The following DDX60L variants were observed in gnomAD, a reference collection of about 807,000 sequenced individuals.
The protein encoded by DDX60L is DExD/H-box 60 like.
Under a neutral mutation model 211.6 loss-of-function variants are expected in DDX60L, and 191 were observed. The observed-to-expected ratio is 0.90, with a 90% CI of 0.80 to 1.02. The LOEUF (loss-of-function observed/expected upper bound fraction) is 1.02. Among genes scored for constraint, DDX60L ranks in the 50% least tolerant of loss-of-function variants. The pLI is 0.00. For synonymous variants in DDX60L, 706 were observed against 694.1 expected, an observed-to-expected ratio of 1.02 and a Z score of -0.27; for missense variants, 2,007 against 1,984.1, an observed-to-expected ratio of 1.01 and a Z score of -0.22.
At chr4:168,428,323 T>G (rs1380484827) in intron 13 of DDX60L, among the ~76,000 whole-genome samples, 4 of 152,138 alleles carry the variant, frequency 2.6e-5, no homozygotes, top group East Asian at 3.9e-4. Context: ...AAACCTACAG[T>G]GTAATCAGTG....
chr4:168,419,481 G>A, intron 18 of DDX60L, 84 bp from the exon 19 acceptor site: 1 of 924,458 alleles, frequency 1.1e-6, no homozygotes. Context: ...TAGAAAATAT[G>A]CTGCTGCTGA....
At chr4:168,442,363 A>T (rs2150002803) in intron 9 of DDX60L, among the ~76,000 whole-genome samples, 1 of 152,082 alleles carries the variant, frequency 6.6e-6, no homozygotes, top group South Asian at 2.1e-4. Flanking sequence ...ACGCCCACGG[A>T]GTCTCGCTGA....
rs1194801532 is a variant in DDX60L, at chr4:168,357,309, C to A, written c.*838G>T. On this transcript the variant is annotated 3_prime_UTR_variant, in exon 38 of 38. Coordinates refer to ENST00000682922, the MANE Select transcript of DDX60L (RefSeq NM_001012967.3). ...AACAGGAAAGTGGTTTATAACTACT[C>A]CAAGTGACTGTTTTAGTCAATTCAG... 6.6e-6 allele frequency: 1 copy of A among 152,192 alleles called. No homozygotes were observed. Among genetic ancestry groups the A allele is most frequent in the African/African-American group, 2.4e-5 (1 of 41,440 alleles). 9.4% of individuals were successfully genotyped at this position (152,192 alleles called of 1,614,324 possible).
intron 10 of DDX60L, among the ~76,000 whole-genome samples, chr4:168,440,129 G>A (rs1413387926): frequency 6.6e-6 from 1 of 152,194 alleles, no homozygotes; most frequent in African/African-American, 2.4e-5. Flanking sequence ...GGAGGCCCAG[G>A]TGGAAGGTTT....
chr4:168,430,045 A>G (rs1463123994), intron 13 of DDX60L, among the ~76,000 whole-genome samples: 4 of 152,122 alleles, frequency 2.6e-5, no homozygotes, highest in South Asian at 4.1e-4. Flanking sequence ...TAAAAATACC[A>G]AGAATTAGCC....
rs1423399208 is a variant in DDX60L, at chr4:168,404,131, T to A, written c.3214-25A>T. The A allele has an allele frequency of 1.6e-4, 162 of 1,034,158 alleles. 1 individual carries two copies. Among genetic ancestry groups the A allele is most frequent in the Middle Eastern group, 2.6e-4 (1 of 3,846 alleles). 64.1% of individuals were successfully genotyped at this position (1,034,158 alleles called of 1,614,324 possible). On this transcript the variant is annotated intron_variant, in intron 24 of 37. Transcript: ENST00000682922. ...CCTACAACAGTAAGTAAAAATTATTTAAAAAAAAAAAAAGAATTTGTGGAA... is the reference window on the plus strand; with the variant it reads ...CCTACAACAGTAAGTAAAAATTATTAAAAAAAAAAAAAAGAATTTGTGGAA...
At chr4:168,372,243 A>G (rs1741158153) in intron 35 of DDX60L, among the ~76,000 whole-genome samples, 1 of 152,102 alleles carries the variant, frequency 6.6e-6, no homozygotes, top group Non-Finnish European at 1.5e-5. Flanking sequence ...TGGGCTCCAG[A>G]GAGAAGAAAA....
chr4:168,404,130 T>TA (rs1308252190), intron 24 of DDX60L, 24 bp from the exon 25 acceptor site: 31 of 1,247,796 alleles, frequency 2.5e-5, no homozygotes, highest in Middle Eastern at 2.1e-4. Context: ...TAAAAATTAT[T>TA]TAAAAAAAAA....
At chr4:168,379,590 C>A (rs1485776976) in intron 31 of DDX60L, 86 bp from the exon 32 acceptor site, 10 of 1,187,664 alleles carry the variant, frequency 8.4e-6, no homozygotes, top group Non-Finnish European at 1.2e-5. Flanking sequence ...ACAAATATTA[C>A]CTGACTTCAT....
intron 4 of DDX60L, chr4:168,468,915 C>T (rs1336128158): frequency 3.3e-5 from 5 of 152,130 alleles, no homozygotes; most frequent in Non-Finnish European, 5.9e-5. Context: ...AAAAGATGTG[C>T]AACGCCTCCA....
intron 8 of DDX60L, 52 bp downstream of exon 8, chr4:168,453,072 T>C (rs1031370458): frequency 2.6e-5 from 40 of 1,511,320 alleles, no homozygotes; most frequent in Non-Finnish European, 3.6e-5. Context: ...TTAAAGGTGA[T>C]CATGGTTTTC....
chr4:168,401,142 T>A (rs1416785520), intron 25 of DDX60L, among the ~76,000 whole-genome samples, 164 bp from the exon 26 acceptor site: 2 of 152,190 alleles, frequency 1.3e-5, no homozygotes, highest in Non-Finnish European at 2.9e-5. Context: ...CGATGGGAAG[T>A]AGGGGTTCAA....
intron 1 of DDX60L, among the ~76,000 whole-genome samples, chr4:168,473,699 G>A (rs1049177865): frequency 6.6e-6 from 1 of 152,184 alleles, no homozygotes; most frequent in Non-Finnish European, 1.5e-5. Flanking sequence ...ATCACAGGTA[G>A]AGGAAATCAC....
intron 4 of DDX60L, among the ~76,000 whole-genome samples, chr4:168,467,485 T>C (rs574005736): frequency 2.8e-5 from 4 of 140,722 alleles, no homozygotes; most frequent in African/African-American, 1.0e-4. Flanking sequence ...TAACTAACAC[T>C]AACATCACTA....
intron 36 of DDX60L, among the ~76,000 whole-genome samples, chr4:168,369,082 A>G (rs1740491067): frequency 6.6e-6 from 1 of 152,178 alleles, no homozygotes; most frequent in South Asian, 2.1e-4. Context: ...TGGTTTTGAA[A>G]TGTGAGGACA....
intron 9 of DDX60L, among the ~76,000 whole-genome samples, chr4:168,447,775 G>A (rs1755045672): frequency 6.6e-6 from 1 of 150,436 alleles, no homozygotes; most frequent in South Asian, 2.1e-4. Flanking sequence ...ACTATCGCAA[G>A]ATCAAAAAAA....
chr4:168,385,150 G>T (rs1743644053), intron 29 of DDX60L, among the ~76,000 whole-genome samples: 1 of 152,204 alleles, frequency 6.6e-6, no homozygotes, highest in Admixed American at 6.5e-5. Flanking sequence ...AAAGACCAAG[G>T]CATGATTAGA....
intron 22 of DDX60L, among the ~76,000 whole-genome samples, chr4:168,410,379 C>G (rs1378539366): frequency 1.3e-5 from 2 of 152,044 alleles, no homozygotes; most frequent in Non-Finnish European, 2.9e-5. Context: ...AGCATGAACC[C>G]TTTAGGTAAG....
At chr4:168,396,790 CACA>C (rs1745879834) in intron 26 of DDX60L, among the ~76,000 whole-genome samples, 1 of 150,922 alleles carries the variant, frequency 6.6e-6, no homozygotes, top group African/African-American at 2.4e-5. Flanking sequence ...AAAAAATATA[CACA>C]ACAAGCAGAA....
Sources: gnomAD v4.1 joint callset for allele counts (sites outside exome capture counted in the v4.1 genomes callset) on GRCh38, gnomAD v4.1.1 for gene constraint, MANE v1.5 for transcripts, NCBI Gene and HGNC (gene_info 2026-07-23, HGNC 2026-07-21) for gene names.